Variants in SP4 observed in about 807,000 individuals in gnomAD.
The protein encoded by SP4 is transcription factor Sp4.
SP4 carries 19 observed loss-of-function variants against 72.8 expected under a neutral mutation model. The observed-to-expected ratio is 0.26, with a 90% CI of 0.18 to 0.38. The LOEUF (loss-of-function observed/expected upper bound fraction) is 0.38, where lower values mean the gene tolerates loss of function less well. SP4 is among the 10% of genes least tolerant of loss of function. SP4 has a pLI of 1.00. For missense variants in SP4, 1,008 were observed against 926.3 expected (o/e 1.09, Z -1.14); for synonymous variants, 395 against 333.1 (o/e 1.19, Z -2.02).
At position 21,503,227 on chromosome 7, in the gene SP4, A is replaced by G. The variant is rs564897450; in HGVS notation, c.2108-7795A>G. Among the ~76,000 whole-genome samples the G allele has an allele frequency of 4.8e-4, 73 of 152,242 alleles. 1 individual carries two copies. The highest frequency in any genetic ancestry group is 6.8e-3 in the Middle Eastern group (2 of 294). ...AACCTAAGGGATGACAGGGTGGAGTATATGGCCACTATATAATTTCTTTAA... is the reference window on the plus strand; with the variant it reads ...AACCTAAGGGATGACAGGGTGGAGTGTATGGCCACTATATAATTTCTTTAA... On this transcript the variant is annotated intron_variant, in intron 5 of 5. Coordinates refer to ENST00000222584, the MANE Select transcript of SP4 (RefSeq NM_003112.5).
intron 3 of SP4, among the ~76,000 whole-genome samples, chr7:21,464,770 C>G (rs1279805542): frequency 6.6e-6 from 1 of 151,992 alleles, no homozygotes; most frequent in Non-Finnish European, 1.5e-5. Context: ...TAAAAACTGT[C>G]AAGAGGTAAT....
intron 3 of SP4, among the ~76,000 whole-genome samples, chr7:21,472,909 G>C (rs1784393143): frequency 6.6e-6 from 1 of 152,190 alleles, no homozygotes; most frequent in South Asian, 2.1e-4. Flanking sequence ...AAATGCAGCA[G>C]AGCAGTCCTG....
chr7:21,433,870 G>A (rs1324149162), intron 3 of SP4, among the ~76,000 whole-genome samples: 2 of 152,062 alleles, frequency 1.3e-5, no homozygotes, highest in Non-Finnish European at 2.9e-5. Context: ...AACCCAGGAG[G>A]TGGAGGTTGT....
intron 4 of SP4, among the ~76,000 whole-genome samples, chr7:21,480,304 G>A (rs371382254): frequency 5.3e-5 from 8 of 152,150 alleles, no homozygotes; most frequent in African/African-American, 1.7e-4. Flanking sequence ...CTCCAAACTG[G>A]TATTAATTCT....
At chr7:21,468,166 C>A (rs556266681) in intron 3 of SP4, among the ~76,000 whole-genome samples, 38 of 152,192 alleles carry the variant, frequency 2.5e-4, no homozygotes, top group Non-Finnish European at 5.3e-4. Context: ...GTGTTCATTT[C>A]TGTCCCTATT....
At chr7:21,489,685 G>A (rs541428795) in intron 5 of SP4, among the ~76,000 whole-genome samples, 29 of 149,934 alleles carry the variant, frequency 1.9e-4, no homozygotes, top group Middle Eastern at 3.5e-3. Context: ...TCAGCCTCCC[G>A]AGTAGCTGGG....
intron 3 of SP4, among the ~76,000 whole-genome samples, chr7:21,471,520 A>G (rs922663663): frequency 6.6e-6 from 1 of 152,098 alleles, no homozygotes; most frequent in Admixed American, 6.6e-5. Flanking sequence ...ACCCCTGAGA[A>G]CCTTAGTTTT....
At chr7:21,471,209 A>G (rs1199875567) in intron 3 of SP4, 2 of 497,996 alleles carry the variant, frequency 4.0e-6, no homozygotes. Context: ...TACTATGCTA[A>G]GAAATACTGA....
chr7:21,479,042 T>A (rs1224802586), intron 4 of SP4, among the ~76,000 whole-genome samples: 1 of 149,706 alleles, frequency 6.7e-6, no homozygotes, highest in Non-Finnish European at 1.5e-5. Context: ...CACTCCAGCC[T>A]GGGTGAAAGA....
chr7:21,450,525 A>T (rs902155220), intron 3 of SP4, among the ~76,000 whole-genome samples: 2 of 152,156 alleles, frequency 1.3e-5, no homozygotes, highest in Non-Finnish European at 2.9e-5. Context: ...ATGAAGCCTG[A>T]GAAGTGGCTT....
chr7:21,509,233 A>G (rs2128417728), intron 5 of SP4, among the ~76,000 whole-genome samples: 1 of 152,276 alleles, frequency 6.6e-6, no homozygotes, highest in African/African-American at 2.4e-5. Context: ...GGTAAAAGAA[A>G]TAAATTTTTA....
chr7:21,488,615 C>G (rs930932102), intron 5 of SP4, among the ~76,000 whole-genome samples: 2 of 151,648 alleles, frequency 1.3e-5, no homozygotes, highest in East Asian at 3.9e-4. Flanking sequence ...TTACATTTAG[C>G]CAGGTGCAGT....
At chr7:21,442,460 A>G (rs989884422) in intron 3 of SP4, among the ~76,000 whole-genome samples, 1 of 152,180 alleles carries the variant, frequency 6.6e-6, no homozygotes, top group Non-Finnish European at 1.5e-5. Flanking sequence ...TACATGATAG[A>G]TATCATCTAA....
At chr7:21,449,530 C>A (rs887956195) in intron 3 of SP4, among the ~76,000 whole-genome samples, 3 of 152,140 alleles carry the variant, frequency 2.0e-5, no homozygotes, top group African/African-American at 7.2e-5. Context: ...TACTGAAATA[C>A]ATATGCGTGT....
intron 3 of SP4, among the ~76,000 whole-genome samples, chr7:21,461,334 G>T (rs1429804190): frequency 6.6e-6 from 1 of 152,176 alleles, no homozygotes; most frequent in African/African-American, 2.4e-5. Flanking sequence ...ACGGCTGGGT[G>T]GGGGTAGACT....
chr7:21,472,824 A>G (rs1318495576), intron 3 of SP4, among the ~76,000 whole-genome samples: 1 of 152,068 alleles, frequency 6.6e-6, no homozygotes, highest in East Asian at 1.9e-4. Context: ...CTAACAGAGA[A>G]GAAGGGGTTT....
At chr7:21,506,646 G>T (rs1782006384) in intron 5 of SP4, among the ~76,000 whole-genome samples, 1 of 152,140 alleles carries the variant, frequency 6.6e-6, no homozygotes, top group Non-Finnish European at 1.5e-5. Flanking sequence ...CTCTGAGTTT[G>T]CCTCAGTAAA....
Position 21,511,337 on chromosome 7 carries a change from G to A in SP4, c.*68G>A. ...CACACCTTTGAAAATCTGGAAATGG[G>A]CTGGTCAAGTGGATTACAGAGTAGG... On this transcript the variant is annotated 3_prime_UTR_variant, in exon 6 of 6. Transcript: ENST00000222584. The A allele has an allele frequency of 6.7e-7, 1 of 1,485,562 alleles. No individual in the cohort carries two copies. The highest frequency in any genetic ancestry group is 1.4e-5 in the African/African-American group (1 of 71,818). The allele number at this position is 1,485,562 out of a possible 1,614,324, so 92.0% of individuals were successfully genotyped here. A position where few individuals can be genotyped will look rare whatever the true frequency, so the allele number is the denominator to read the frequency against.
intron 3 of SP4, among the ~76,000 whole-genome samples, chr7:21,440,839 G>T (rs984941374): frequency 7.2e-5 from 11 of 151,852 alleles, no homozygotes; most frequent in Admixed American, 2.0e-4. Context: ...AACAGAACGG[G>T]ACCCTGTCTC....
Sources: allele counts gnomAD v4.1 joint callset (sites outside exome capture counted in the v4.1 genomes callset), GRCh38; gene constraint gnomAD v4.1.1; transcripts MANE v1.5; gene names NCBI Gene and HGNC (gene_info 2026-07-23, HGNC 2026-07-21).